Variants in PRTG observed in about 807,000 individuals in gnomAD.
PRTG encodes the protein immunoglobulin superfamily, DCC subclass, member 5.
A neutral mutation model predicts 122.5 loss-of-function variants in PRTG; 67 were observed. The ratio of observed to expected loss-of-function variants is 0.55; its 90% CI spans 0.45 to 0.67. PRTG has a LOEUF of 0.67. Ranked by LOEUF, PRTG falls within the 30% of genes least tolerant of loss-of-function variation. PRTG has a pLI of 0.00. For synonymous variants in PRTG, 554 were observed against 501.1 expected (o/e 1.11, Z -1.41); for missense variants, 1,435 against 1,415.4 (o/e 1.01, Z -0.22).
At chr15:55,677,328 C>A (rs903820489) in intron 8 of PRTG, among the ~76,000 whole-genome samples, 1 of 152,056 alleles carries the variant, frequency 6.6e-6, no homozygotes, top group East Asian at 1.9e-4. Context: ...ATACAAAATA[C>A]TTAAAATATA....
At chr15:55,713,414 T>A (rs1389337329) in intron 2 of PRTG, among the ~76,000 whole-genome samples, 1 of 152,214 alleles carries the variant, frequency 6.6e-6, no homozygotes, top group Non-Finnish European at 1.5e-5. Flanking sequence ...AAAAGATGCT[T>A]CAAGGAGCAT....
At position 55,690,708 on chromosome 15, in the gene PRTG, T is replaced by C. The variant is rs1011992; in HGVS notation, c.398-6777A>G. On this transcript the variant is annotated intron_variant, in intron 2 of 19. Transcript: ENST00000389286. ...CGTTCCAAGCATTTCAGATAAGGAA[T>C]AATCAACCCAAATTATAAAAGCAAA... Among the ~76,000 whole-genome samples, 4 of 152,290 alleles carry C rather than the reference T, an allele frequency of 2.6e-5. No individual in the cohort carries two copies. The East Asian group carries it at 7.7e-4, about 29-fold the overall frequency.
At chr15:55,645,824 C>G (rs182588723) in intron 11 of PRTG, among the ~76,000 whole-genome samples, 4 of 151,938 alleles carry the variant, frequency 2.6e-5, no homozygotes, top group African/African-American at 9.7e-5. Context: ...TGAGACTCAG[C>G]GGACTTAGGC....
At chr15:55,657,608 G>A (rs2059387447) in intron 11 of PRTG, among the ~76,000 whole-genome samples, 1 of 152,106 alleles carries the variant, frequency 6.6e-6, no homozygotes, top group Non-Finnish European at 1.5e-5. Flanking sequence ...TAATGTATCT[G>A]GGATTTTAAT....
At chr15:55,664,493 A>G (rs1249174151) in intron 11 of PRTG, among the ~76,000 whole-genome samples, 1 of 152,150 alleles carries the variant, frequency 6.6e-6, no homozygotes, top group African/African-American at 2.4e-5. Flanking sequence ...TATGGTAATT[A>G]AATTGGTACA....
intron 1 of PRTG, chr15:55,742,531 G>A (rs1417331106): frequency 2.5e-5 from 8 of 322,668 alleles, no homozygotes; most frequent in Admixed American, 2.0e-4. Flanking sequence ...AATGGCGCGA[G>A]AAGGAAGAGA....
At chr15:55,738,262 T>C in intron 2 of PRTG, 1 of 389,154 alleles carries the variant, frequency 2.6e-6, no homozygotes. Flanking sequence ...TCTATAGAGA[T>C]GCAAAAATCT....
At chr15:55,644,916 T>C (rs1460962898) in intron 11 of PRTG, among the ~76,000 whole-genome samples, 2 of 152,212 alleles carry the variant, frequency 1.3e-5, no homozygotes, top group Admixed American at 6.5e-5. Flanking sequence ...CTTTATGTTG[T>C]CCTGTGAACC....
At chr15:55,656,759 C>T (rs1448047788) in intron 11 of PRTG, among the ~76,000 whole-genome samples, 4 of 152,222 alleles carry the variant, frequency 2.6e-5, no homozygotes, top group African/African-American at 9.7e-5. Context: ...CTGCCCATCT[C>T]GGCTTCCCAA....
At chr15:55,731,611 C>T (rs1420062881) in intron 2 of PRTG, among the ~76,000 whole-genome samples, 5 of 152,002 alleles carry the variant, frequency 3.3e-5, no homozygotes, top group South Asian at 4.1e-4. Flanking sequence ...CCTCATGATC[C>T]GCCCGCCTCA....
Position 55,613,226 on chromosome 15 carries a change from G to A in PRTG, c.*6786C>T, listed in dbSNP as rs1014732062. ...TACTTGTTCTGTTTTATGACTCTCC[G>A]TTAACTTTGCTGTCTCCTACATTAA... On this transcript the variant is annotated 3_prime_UTR_variant, in exon 20 of 20. Transcript: ENST00000389286. The A allele has an allele frequency of 1.1e-4, 16 of 152,112 alleles. No homozygotes were observed. The highest frequency in any genetic ancestry group is 3.4e-4 in the African/African-American group (14 of 41,536). 9.4% of individuals were successfully genotyped at this position (152,112 alleles called of 1,614,324 possible). A position where few individuals can be genotyped will look rare whatever the true frequency, so the allele number is the denominator to read the frequency against.
chr15:55,743,099 C>A lies in PRTG; in HGVS notation c.-168G>T. Reference sequence around the variant, plus strand: ...TCTCTGCGGCGGCGAGGCTGGTGCTCGGACGGCCGCTCGCGAGAAGCAAGG... The same window carrying A: ...TCTCTGCGGCGGCGAGGCTGGTGCTAGGACGGCCGCTCGCGAGAAGCAAGG... On this transcript the variant is annotated 5_prime_UTR_variant, in exon 1 of 20. Transcript: ENST00000389286. 3.1e-6 allele frequency: 4 copies of A among 1,278,060 alleles called. No individual in the cohort carries two copies. Among genetic ancestry groups the A allele is most frequent in the South Asian group, 5.4e-5 (2 of 37,238 alleles). The allele number at this position is 1,278,060 out of a possible 1,614,324, so 79.2% of individuals were successfully genotyped here. A position where few individuals can be genotyped will look rare whatever the true frequency, so the allele number is the denominator to read the frequency against.
At chr15:55,629,790 G>T (rs28379390) in intron 15 of PRTG, among the ~76,000 whole-genome samples, 45,185 of 150,416 alleles carry the variant, frequency 0.3, 8,699 homozygotes, top group East Asian at 0.94. Flanking sequence ...GATTATTTTT[G>T]AAAGCATGAA....
At chr15:55,643,538 A>C (rs898285621) in intron 11 of PRTG, among the ~76,000 whole-genome samples, 2 of 152,018 alleles carry the variant, frequency 1.3e-5, no homozygotes, top group African/African-American at 4.8e-5. Context: ...AGCTCAGATG[A>C]TCTTCCCACC....
intron 15 of PRTG, among the ~76,000 whole-genome samples, chr15:55,629,369 ATATATATGTGTGTGTGTGTGTGTGTG>A (rs1227812661): frequency 1.7e-4 from 6 of 34,392 alleles, no homozygotes; most frequent in African/African-American, 6.0e-4. Flanking sequence ...GTATATATAT[ATATATATGTGTGTGTGTGTGTGTGTG>A]TGTGTGTGTG....
intron 2 of PRTG, among the ~76,000 whole-genome samples, chr15:55,694,101 AT>A (rs2059619568): frequency 6.6e-6 from 1 of 152,242 alleles, no homozygotes; most frequent in Admixed American, 6.5e-5. Context: ...TTTGAAGGAG[AT>A]AAAATCCACT....
chr15:55,728,027 G>C (rs1453437852), intron 2 of PRTG, among the ~76,000 whole-genome samples: 2 of 152,014 alleles, frequency 1.3e-5, no homozygotes, highest in African/African-American at 4.8e-5. Flanking sequence ...ACCATGCCCA[G>C]CTAATTTTTT....
rs1373899674 is a variant in PRTG, at chr15:55,657,568, CTAT to C, written c.2041+14874_2041+14876del. On this transcript the variant is annotated intron_variant, in intron 11 of 19. Transcript: ENST00000389286. ...TACATGTTCCATAGAGATTCTTCAACTATTTCAACATACAGCGTTTTTCTGGAG... is the reference window on the plus strand; with the variant it reads ...TACATGTTCCATAGAGATTCTTCAACTTCAACATACAGCGTTTTTCTGGAG... Among the ~76,000 whole-genome samples the C allele has an allele frequency of 3.3e-5, 5 of 152,258 alleles. No individual in the cohort carries two copies. In the East Asian group the frequency reaches 9.6e-4, roughly 29 times the overall value.
At chr15:55,675,284 C>T (rs2059496013) in intron 9 of PRTG, among the ~76,000 whole-genome samples, 1 of 151,942 alleles carries the variant, frequency 6.6e-6, no homozygotes, top group South Asian at 2.1e-4. Flanking sequence ...AACTAGTAAC[C>T]TTTGAAGAAA....
Sources: gnomAD v4.1 joint callset for allele counts (sites outside exome capture counted in the v4.1 genomes callset) on GRCh38, gnomAD v4.1.1 for gene constraint, MANE v1.5 for transcripts, NCBI Gene and HGNC (gene_info 2026-07-23, HGNC 2026-07-21) for gene names.